ATP9B: variants seen among roughly 807,000 people sequenced by gnomAD.
The protein encoded by ATP9B is probable phospholipid-transporting ATPase IIB.
In ATP9B, 110 loss-of-function variants were observed where a neutral mutation model predicts 146.1. The ratio of observed to expected loss-of-function variants is 0.75; its 90% confidence interval spans 0.65 to 0.88. The LOEUF (loss-of-function observed/expected upper bound fraction) is 0.88. Among genes scored for constraint, ATP9B ranks in the 40% least tolerant of loss-of-function variants. ATP9B has a pLI of 0.00. For missense variants in ATP9B, 1,499 were observed against 1,496.4 expected, an observed-to-expected ratio of 1.00 and a Z score of -0.03; for synonymous variants, 604 against 569.7, an observed-to-expected ratio of 1.06 and a Z score of -0.86.
At chr18:79,132,368 T>C (rs2094390593) in intron 5 of ATP9B, among the ~76,000 whole-genome samples, 1 of 152,166 alleles carries the variant, frequency 6.6e-6, no homozygotes, top group African/African-American at 2.4e-5. Flanking sequence ...ACATTCAGAG[T>C]ACGAGTTCTC....
chr18:79,070,561 A>G (rs371414263), intron 1 of ATP9B, among the ~76,000 whole-genome samples: 27 of 152,354 alleles, frequency 1.8e-4, no homozygotes, highest in African/African-American at 6.0e-4. Context: ...GGTGTTACCT[A>G]TAACAGTAAT....
intron 10 of ATP9B, chr18:79,209,868 A>G (rs765474115): frequency 1.4e-4 from 24 of 175,794 alleles, no homozygotes; most frequent in Non-Finnish European, 2.6e-4. Flanking sequence ...ATCCTAAGGA[A>G]TGTTTGAAAG....
At chr18:79,178,291 G>A (rs12327496) in intron 8 of ATP9B, among the ~76,000 whole-genome samples, 5,276 of 152,164 alleles carry the variant, frequency 0.035, 306 homozygotes, top group African/African-American at 0.12. Flanking sequence ...TGTCCTTGCC[G>A]CCTTCAATGT....
At chr18:79,207,902 GC>G (rs2095549100) in intron 10 of ATP9B, among the ~76,000 whole-genome samples, 1 of 152,184 alleles carries the variant, frequency 6.6e-6, no homozygotes, top group Admixed American at 6.5e-5. Flanking sequence ...ATGTTGCTGT[GC>G]TAAGTATCAC....
At chr18:79,288,918 T>C (rs2096472142) in intron 13 of ATP9B, among the ~76,000 whole-genome samples, 1 of 152,232 alleles carries the variant, frequency 6.6e-6, no homozygotes, top group Admixed American at 6.5e-5. Flanking sequence ...AAAATTCTTT[T>C]CTTTAAGCAT....
chr18:79,183,967 A>G (rs1380380567), intron 8 of ATP9B, among the ~76,000 whole-genome samples: 2 of 152,160 alleles, frequency 1.3e-5, no homozygotes, highest in African/African-American at 2.4e-5. Flanking sequence ...CCCAGTACAC[A>G]TTGCAAATAT....
intron 1 of ATP9B, chr18:79,095,494 T>A (rs2074709962): frequency 6.6e-6 from 1 of 152,238 alleles, no homozygotes; most frequent in Admixed American, 6.5e-5. Flanking sequence ...TTTCTCCTTA[T>A]GTGTCAATTA....
intron 4 of ATP9B, among the ~76,000 whole-genome samples, chr18:79,123,732 C>G (rs960060666): frequency 5.3e-5 from 8 of 152,130 alleles, no homozygotes; most frequent in Non-Finnish European, 7.4e-5. Flanking sequence ...GTGCATAGAT[C>G]AGTGTAATTG....
At chr18:79,074,088 G>C (rs777966886) in intron 1 of ATP9B, among the ~76,000 whole-genome samples, 1 of 152,160 alleles carries the variant, frequency 6.6e-6, no homozygotes, top group Non-Finnish European at 1.5e-5. Flanking sequence ...TGTGGGCTGT[G>C]GTTCTAAATG....
intron 15 of ATP9B, among the ~76,000 whole-genome samples, chr18:79,312,625 C>T (rs757290522): frequency 4.6e-5 from 7 of 152,206 alleles, no homozygotes; most frequent in Non-Finnish European, 1.0e-4. Context: ...GCCTGCTGAG[C>T]GAACCTTGGC....
intron 8 of ATP9B, among the ~76,000 whole-genome samples, chr18:79,187,935 A>G (rs1302831385): frequency 1.3e-5 from 2 of 151,196 alleles, no homozygotes; most frequent in Non-Finnish European, 1.5e-5. Flanking sequence ...TCTGTTAAAG[A>G]TTTTTTTTTT....
intron 11 of ATP9B, among the ~76,000 whole-genome samples, chr18:79,221,734 A>G (rs1455263979): frequency 6.6e-6 from 1 of 152,048 alleles, no homozygotes; most frequent in Admixed American, 6.5e-5. Flanking sequence ...ACAAACAAAC[A>G]AAACTCCACC....
intron 7 of ATP9B, among the ~76,000 whole-genome samples, chr18:79,165,514 G>A (rs79295305): frequency 0.016 from 2,483 of 152,320 alleles, 27 homozygotes; most frequent in Non-Finnish European, 0.022. Context: ...AAAACCTATG[G>A]AGGGCTTTTC....
intron 13 of ATP9B, among the ~76,000 whole-genome samples, chr18:79,281,670 T>TA (rs1233736492): frequency 6.6e-6 from 1 of 152,208 alleles, no homozygotes; most frequent in Non-Finnish European, 1.5e-5. Flanking sequence ...TGTAAGCTGT[T>TA]AAAAATGACT....
chr18:79,313,029 G>C (rs1379837475), intron 15 of ATP9B, among the ~76,000 whole-genome samples: 1 of 152,146 alleles, frequency 6.6e-6, no homozygotes, highest in Non-Finnish European at 1.5e-5. Flanking sequence ...CCCTGTCAGC[G>C]CGCTGTTGGC....
intron 8 of ATP9B, among the ~76,000 whole-genome samples, chr18:79,192,272 C>T (rs1327907644): frequency 1.3e-5 from 2 of 152,118 alleles, no homozygotes; most frequent in Non-Finnish European, 2.9e-5. Context: ...GAACTTTATA[C>T]ACTCACACGT....
intron 15 of ATP9B, among the ~76,000 whole-genome samples, chr18:79,324,165 C>T (rs190136103): frequency 5.9e-5 from 9 of 152,126 alleles, no homozygotes; most frequent in East Asian, 5.8e-4. Context: ...CCGATTAAGT[C>T]GTTTGAGAAT....
At chr18:79,375,314 A>G in intron 28 of ATP9B, 80 bp from the exon 29 acceptor site, 1 of 1,297,296 alleles carries the variant, frequency 7.7e-7, no homozygotes. Flanking sequence ...TGTATTTCTT[A>G]TTCTTTTGCT....
At chr18:79,203,591 T>C (rs2095508141) in intron 9 of ATP9B, among the ~76,000 whole-genome samples, 1 of 151,906 alleles carries the variant, frequency 6.6e-6, no homozygotes. Flanking sequence ...TGCTAGGTGC[T>C]AGGAAGGTAA....
Sources: allele counts gnomAD v4.1 joint callset (sites outside exome capture counted in the v4.1 genomes callset), GRCh38; gene constraint gnomAD v4.1.1; transcripts MANE v1.5; gene names NCBI Gene and HGNC (gene_info 2026-07-23, HGNC 2026-07-21).